The following SIPA1L1 variants were observed in gnomAD, a reference collection of about 807,000 sequenced individuals.
SIPA1L1 encodes the protein signal-induced proliferation-associated 1-like protein 1.
In SIPA1L1, 26 loss-of-function variants were observed where a neutral mutation model predicts 162.7. The observed-to-expected ratio is 0.16, with a 90% CI of 0.12 to 0.22. SIPA1L1 has a LOEUF of 0.22. Among genes scored for constraint, SIPA1L1 ranks in the 10% least tolerant of loss-of-function variants. The pLI, the probability that SIPA1L1 is intolerant of heterozygous loss-of-function variation, is 1.00. For synonymous variants in SIPA1L1, 829 were observed against 837.4 expected, an observed-to-expected ratio of 0.99 and a Z score of 0.17; for missense variants, 1,874 against 2,241.0, an observed-to-expected ratio of 0.84 and a Z score of 3.31.
At chr14:71,397,658 C>T (rs2041317264) in intron 2 of SIPA1L1, among the ~76,000 whole-genome samples, 1 of 152,188 alleles carries the variant, frequency 6.6e-6, no homozygotes, top group Non-Finnish European at 1.5e-5. Context: ...TGGAATCCTT[C>T]CAGCCTTCCA....
rs766273827 is a variant in SIPA1L1, at chr14:71,588,527, G to A, written c.655G>A (p.Gly219Arg). ...TSSIDKQGTS[G>R]ESFFDLLKGY... ...TTCAATTGATAAACAGGGAACATCT[G>A]GAGAAAGCTTTTTTGATTTGTTAAA... is the stretch of plus-strand genomic sequence containing the variant. Residue 219 changes from glycine to arginine, a missense_variant, in exon 5 of 24, where the codon GGA (glycine) becomes AGA (arginine). Gly to Arg is a moderately radical substitution (Grantham distance 125). Around this residue, in one of 5 missense-constraint regions of SIPA1L1, gnomAD observed 685 missense variants for 828.0 expected, o/e 0.83. Coordinates refer to ENST00000381232, the MANE Select transcript of SIPA1L1 (RefSeq NM_001386936.1). This position sits in a 1 kb window ranked among gnomAD's most constrained non-coding sequence, Gnocchi z 4.3. 2 of 1,614,110 alleles carry A rather than the reference G, an allele frequency of 1.2e-6. No homozygotes were observed. Among genetic ancestry groups the A allele is most frequent in the Non-Finnish European group, 1.7e-6 (2 of 1,179,982 alleles).
At chr14:71,605,687 G>A (rs2037403789) in intron 5 of SIPA1L1, among the ~76,000 whole-genome samples, 1 of 152,196 alleles carries the variant, frequency 6.6e-6, no homozygotes, top group African/African-American at 2.4e-5. Flanking sequence ...TTAGGGTACA[G>A]TTGTTAATGG....
chr14:71,734,402 A>G (rs948125394), intron 21 of SIPA1L1, among the ~76,000 whole-genome samples: 1 of 152,370 alleles, frequency 6.6e-6, no homozygotes, highest in East Asian at 1.9e-4. Context: ...GTGTGTTGAC[A>G]TAAGATTGTC....
intron 2 of SIPA1L1, among the ~76,000 whole-genome samples, chr14:71,363,779 G>A (rs188407032): frequency 6.6e-6 from 1 of 152,262 alleles, no homozygotes; most frequent in East Asian, 1.9e-4. Context: ...AAACTTGAAT[G>A]CACCAGCAAA....
chr14:71,465,581 T>C (rs2046933360), intron 2 of SIPA1L1, among the ~76,000 whole-genome samples: 1 of 152,230 alleles, frequency 6.6e-6, no homozygotes, highest in Non-Finnish European at 1.5e-5. Flanking sequence ...CAGTGTTATC[T>C]GTACTATTAG....
intron 4 of SIPA1L1, among the ~76,000 whole-genome samples, chr14:71,570,261 C>CTTTATTTATTTA (rs573139905): frequency 1.3e-5 from 2 of 151,594 alleles, no homozygotes. Context: ...ATCCATTTAT[C>CTTTATTTATTTA]TTTATTTATT....
At chr14:71,526,534 A>G (rs1176778188) in intron 3 of SIPA1L1, among the ~76,000 whole-genome samples, 1 of 152,196 alleles carries the variant, frequency 6.6e-6, no homozygotes, top group Non-Finnish European at 1.5e-5. Context: ...ATTTATATTC[A>G]TTGCTGTGTA....
At chr14:71,355,685 G>A (rs1327441861) in intron 2 of SIPA1L1, among the ~76,000 whole-genome samples, 1 of 152,122 alleles carries the variant, frequency 6.6e-6, no homozygotes, top group African/African-American at 2.4e-5. Flanking sequence ...TCTTCTCCTT[G>A]CATGGCAGAG....
At chr14:71,427,723 C>T (rs1288708230) in intron 2 of SIPA1L1, among the ~76,000 whole-genome samples, 1 of 152,066 alleles carries the variant, frequency 6.6e-6, no homozygotes, top group Non-Finnish European at 1.5e-5. Flanking sequence ...TTTTTCATTT[C>T]TATTGTGCAT....
chr14:71,700,932 T>A (rs978880102), intron 14 of SIPA1L1, among the ~76,000 whole-genome samples: 4 of 120,096 alleles, frequency 3.3e-5, no homozygotes, highest in African/African-American at 1.3e-4. Flanking sequence ...AGGCGGAGCT[T>A]GCAGTGAGCC....
intron 6 of SIPA1L1, among the ~76,000 whole-genome samples, chr14:71,621,478 C>A (rs1341331743): frequency 6.6e-6 from 1 of 152,172 alleles, no homozygotes; most frequent in African/African-American, 2.4e-5. Context: ...GTCATTCCTC[C>A]CCACTGCTGT....
At chr14:71,547,666 T>A (rs1439475959) in intron 4 of SIPA1L1, among the ~76,000 whole-genome samples, 1 of 152,242 alleles carries the variant, frequency 6.6e-6, no homozygotes, top group African/African-American at 2.4e-5. Flanking sequence ...TTTGTTCAAC[T>A]ATTCCTTTGG....
chr14:71,607,112 T>C (rs2037618173), intron 5 of SIPA1L1, among the ~76,000 whole-genome samples: 1 of 151,690 alleles, frequency 6.6e-6, no homozygotes, highest in Admixed American at 6.6e-5. Context: ...TCAGGGGGAA[T>C]GAATGAGCCC....
At chr14:71,334,750 C>G (rs2034909117) in intron 2 of SIPA1L1, among the ~76,000 whole-genome samples, 1 of 152,002 alleles carries the variant, frequency 6.6e-6, no homozygotes, top group Admixed American at 6.5e-5. Context: ...TTTCTTGATT[C>G]AGAAAACTTA....
In SIPA1L1 at chr14:71,421,820, A is replaced by G. The variant is rs372866604; in HGVS notation, c.-464-90923A>G. Among the ~76,000 whole-genome samples, 6 of 152,276 alleles carry G rather than the reference A, an allele frequency of 3.9e-5. No homozygotes were observed. The South Asian group carries it at 1.2e-3, about 32-fold the overall frequency. On this transcript the variant is annotated intron_variant, in intron 2 of 23. Transcript: ENST00000381232. The stretch of plus-strand genomic sequence containing the variant: ...TGGGGAATGTAGAAGATGGTTGTGT[A>G]AAAGACAGCCTGCCTGATGGTTCCT...
At chr14:71,335,186 G>C (rs1430693215) in intron 2 of SIPA1L1, among the ~76,000 whole-genome samples, 2 of 152,176 alleles carry the variant, frequency 1.3e-5, no homozygotes, top group Non-Finnish European at 2.9e-5. Context: ...TGTAGTTCCA[G>C]CTACTTGGCA....
chr14:71,454,938 G>T (rs956412778), intron 2 of SIPA1L1, among the ~76,000 whole-genome samples: 9 of 152,114 alleles, frequency 5.9e-5, no homozygotes, highest in Non-Finnish European at 1.3e-4. Context: ...GATGTCACAG[G>T]TTCTTTACAC....
chr14:71,339,690 T>C (rs1297791806), intron 2 of SIPA1L1, among the ~76,000 whole-genome samples: 2 of 152,222 alleles, frequency 1.3e-5, no homozygotes, highest in Non-Finnish European at 2.9e-5. Flanking sequence ...TACAACTTAA[T>C]GTCTTGGTTG....
intron 17 of SIPA1L1, among the ~76,000 whole-genome samples, chr14:71,718,330 G>T (rs1021096633): frequency 1.3e-5 from 2 of 152,156 alleles, no homozygotes; most frequent in African/African-American, 4.8e-5. Flanking sequence ...CATAACCTTT[G>T]TGCCTAAATC....
Sources: allele counts gnomAD v4.1 joint callset (sites outside exome capture counted in the v4.1 genomes callset), GRCh38; gene constraint gnomAD v4.1.1; regional missense constraint gnomAD v4.1.1; non-coding constraint Gnocchi (gnomAD v3.1); transcripts MANE v1.5; gene names NCBI Gene and HGNC (gene_info 2026-07-23, HGNC 2026-07-21).